Variants in AUTS2 observed in about 807,000 individuals in gnomAD.
AUTS2 encodes autism susceptibility gene 2 protein.
A neutral mutation model predicts 112.4 loss-of-function variants in AUTS2; 17 were observed. That is an observed-to-expected ratio of 0.15 (90% CI 0.10 to 0.23). The LOEUF is 0.23. Among genes scored for constraint, AUTS2 ranks in the 10% least tolerant of loss-of-function variants. AUTS2 has a pLI of 1.00. For synonymous variants in AUTS2, 751 were observed against 702.7 expected (o/e 1.07, Z -1.09); for missense variants, 1,510 against 1,701.6 (o/e 0.89, Z 1.98).
intron 1 of AUTS2, among the ~76,000 whole-genome samples, chr7:69,839,724 G>A (rs1791888865): frequency 6.6e-6 from 1 of 152,170 alleles, no homozygotes; most frequent in South Asian, 2.1e-4. Flanking sequence ...TAAGGCAGAA[G>A]AATCACATCA....
At chr7:70,350,150 A>G (rs1221768593) in intron 4 of AUTS2, among the ~76,000 whole-genome samples, 1 of 152,230 alleles carries the variant, frequency 6.6e-6, no homozygotes, top group Non-Finnish European at 1.5e-5. Flanking sequence ...AAATGCTGGA[A>G]TTCATGGGCT....
At chr7:70,486,906 C>G (rs564367242) in intron 5 of AUTS2, among the ~76,000 whole-genome samples, 25 of 118,950 alleles carry the variant, frequency 2.1e-4, no homozygotes, top group Middle Eastern at 8.2e-3. Flanking sequence ...TTCCCCCCCC[C>G]CCAAAAAAAA....
intron 2 of AUTS2, among the ~76,000 whole-genome samples, chr7:70,097,298 C>G (rs962934183): frequency 1.3e-5 from 2 of 152,176 alleles, no homozygotes; most frequent in East Asian, 3.8e-4. Context: ...AATCTCTTCA[C>G]CTTTTGAATC....
chr7:70,146,447 C>T (rs1344905152), intron 4 of AUTS2, among the ~76,000 whole-genome samples: 1 of 152,114 alleles, frequency 6.6e-6, no homozygotes, highest in Non-Finnish European at 1.5e-5. Flanking sequence ...ATACTCTTCA[C>T]TACATACTTG....
chr7:69,690,290 T>C (rs1041361367), intron 1 of AUTS2, among the ~76,000 whole-genome samples: 1 of 152,230 alleles, frequency 6.6e-6, no homozygotes, highest in African/African-American at 2.4e-5. Flanking sequence ...ATAGAAGACA[T>C]AATTCTCTAT....
chr7:69,676,215 A>G (rs1796557519), intron 1 of AUTS2, among the ~76,000 whole-genome samples: 1 of 152,164 alleles, frequency 6.6e-6, no homozygotes, highest in African/African-American at 2.4e-5. Flanking sequence ...TAGAAGGGAG[A>G]TGAAGCATTT....
intron 2 of AUTS2, among the ~76,000 whole-genome samples, chr7:70,009,835 T>C (rs900389374): frequency 2.0e-5 from 3 of 152,230 alleles, no homozygotes; most frequent in African/African-American, 7.2e-5. Flanking sequence ...GGCTTAGCTC[T>C]AGTGAGACCT....
intron 5 of AUTS2, among the ~76,000 whole-genome samples, chr7:70,564,856 T>C (rs1801637585): frequency 6.6e-6 from 1 of 152,146 alleles, no homozygotes; most frequent in East Asian, 1.9e-4. Context: ...TCCCAGCACT[T>C]TGGGAGGCCG....
chr7:70,464,656 GA>G (rs1797102345), intron 5 of AUTS2, among the ~76,000 whole-genome samples: 1 of 152,164 alleles, frequency 6.6e-6, no homozygotes, highest in Non-Finnish European at 1.5e-5. Context: ...GTTAAGGTAT[GA>G]GTTTATTTTG....
chr7:70,335,512 C>A (rs1790948161), intron 4 of AUTS2, among the ~76,000 whole-genome samples: 1 of 152,202 alleles, frequency 6.6e-6, no homozygotes, highest in African/African-American at 2.4e-5. Context: ...GGAGTCTGTC[C>A]TTTCTAGAGA....
intron 5 of AUTS2, among the ~76,000 whole-genome samples, chr7:70,503,709 AG>A (rs1394721387): frequency 6.6e-6 from 1 of 151,330 alleles, no homozygotes; most frequent in East Asian, 1.9e-4. Flanking sequence ...TGTAGAGGTG[AG>A]GTCTTCTTAT....
At chr7:70,086,864 CT>C (rs1803632319) in intron 2 of AUTS2, among the ~76,000 whole-genome samples, 1 of 150,244 alleles carries the variant, frequency 6.7e-6, no homozygotes, top group Non-Finnish European at 1.5e-5. Flanking sequence ...GTTAATGGCT[CT>C]TTTTAAAATT....
chr7:70,129,039 A>C (rs1421489138), intron 3 of AUTS2, among the ~76,000 whole-genome samples: 1 of 152,232 alleles, frequency 6.6e-6, no homozygotes, highest in Admixed American at 6.5e-5. Flanking sequence ...TCATTGTATT[A>C]GACTTCTCCA....
intron 1 of AUTS2, among the ~76,000 whole-genome samples, chr7:69,792,675 C>CA (rs1789667007): frequency 6.6e-6 from 1 of 151,962 alleles, no homozygotes; most frequent in Non-Finnish European, 1.5e-5. Flanking sequence ...CCTTTTTTTC[C>CA]AAAGCTTTCC....
chr7:70,369,119 G>A (rs914385196), intron 4 of AUTS2, among the ~76,000 whole-genome samples: 3 of 152,170 alleles, frequency 2.0e-5, no homozygotes, highest in Non-Finnish European at 4.4e-5. Context: ...TAGAGAAAAG[G>A]AAACGCACAA....
intron 5 of AUTS2, among the ~76,000 whole-genome samples, chr7:70,649,916 G>A (rs1274085506): frequency 6.6e-6 from 1 of 152,142 alleles, no homozygotes; most frequent in Non-Finnish European, 1.5e-5. Flanking sequence ...TGGTGCTTGG[G>A]TTCTTAGAAT....
Position 70,186,402 on chromosome 7 carries a change from AGC to A in AUTS2, c.660+51833_660+51834del, listed in dbSNP as rs1301527077. 3.3e-5 allele frequency among the ~76,000 whole-genome samples: 5 copies of A among 151,790 alleles called. No homozygotes were observed. The South Asian group carries it at 1.0e-3, about 32-fold the overall frequency. On this transcript the variant is annotated intron_variant, in intron 4 of 18. Coordinates refer to ENST00000342771, the MANE Select transcript of AUTS2 (RefSeq NM_015570.4). ...GATAACATCATTTTACTCACGTTAG[AGC>A]GTTTGTGTGTGATTGGAGTTTTGAT...
intron 4 of AUTS2, among the ~76,000 whole-genome samples, chr7:70,182,804 A>G (rs1056824400): frequency 1.3e-5 from 2 of 151,948 alleles, no homozygotes; most frequent in African/African-American, 4.8e-5. Flanking sequence ...AAAAGACCAT[A>G]TTCTCACCTT....
intron 2 of AUTS2, among the ~76,000 whole-genome samples, chr7:69,939,107 T>C (rs1796526849): frequency 6.6e-6 from 1 of 152,342 alleles, no homozygotes; most frequent in East Asian, 1.9e-4. Context: ...CCCTATCACA[T>C]CATGTTATCT....
Sources: gnomAD v4.1 joint callset for allele counts (sites outside exome capture counted in the v4.1 genomes callset) on GRCh38, gnomAD v4.1.1 for gene constraint, MANE v1.5 for transcripts, NCBI Gene and HGNC (gene_info 2026-07-23, HGNC 2026-07-21) for gene names.